RAB30: variants seen among roughly 807,000 people sequenced by gnomAD.
RAB30 encodes the protein RAB30, member RAS oncogene family.
In RAB30, 9 loss-of-function variants were observed where a neutral mutation model predicts 25.1. That is an observed-to-expected ratio of 0.36 (90% CI 0.22 to 0.63). RAB30 has a LOEUF of 0.63. RAB30 is among the 20% of genes least tolerant of loss of function. The pLI is 0.69. For missense variants in RAB30, 140 were observed against 243.5 expected (o/e 0.58, Z 2.83); for synonymous variants, 77 against 86.4 (o/e 0.89, Z 0.60).
chr11:83,010,116 G>T lies in RAB30; in HGVS notation c.-8-12792C>A, dbSNP rs560582009. On this transcript the variant is annotated intron_variant, in intron 1 of 4. Transcript: ENST00000527633. ...GAAGTAAAACCTCTATATACCAATAGAGAAGGGCTAACAGAGAAGCCACAT... is the reference window on the plus strand; with the variant it reads ...GAAGTAAAACCTCTATATACCAATATAGAAGGGCTAACAGAGAAGCCACAT... Among the ~76,000 whole-genome samples the T allele has an allele frequency of 1.1e-4, 16 of 152,214 alleles. No individual in the cohort carries two copies. In the South Asian group the frequency reaches 3.1e-3, roughly 30 times the overall value.
chr11:83,014,967 G>A (rs115758249), intron 1 of RAB30, among the ~76,000 whole-genome samples: 5,352 of 152,204 alleles, frequency 0.035, 332 homozygotes, highest in African/African-American at 0.12. Flanking sequence ...AGCTTGGCAT[G>A]TTCAAGGAAC....
chr11:82,982,538 T>A, intron 4 of RAB30, 123 bp from the exon 5 acceptor site: 1 of 1,018,222 alleles, frequency 9.8e-7, no homozygotes, highest in South Asian at 1.6e-5. Context: ...ACAAAACAAA[T>A]GTGACTGTGA....
intron 1 of RAB30, among the ~76,000 whole-genome samples, chr11:83,030,445 CCGTGTT>C (rs1857829263): frequency 6.6e-6 from 1 of 151,994 alleles, no homozygotes; most frequent in African/African-American, 2.4e-5. Flanking sequence ...CTATGTTGAG[CCGTGTT>C]CATGCCACTG....
chr11:82,988,176 C>G (rs936320103), intron 3 of RAB30, among the ~76,000 whole-genome samples: 1 of 152,166 alleles, frequency 6.6e-6, no homozygotes, highest in Non-Finnish European at 1.5e-5. Flanking sequence ...ATACCCATTT[C>G]TTGCATGAAT....
rs756821194 is a variant in RAB30 at position 82,974,556 on chromosome 11, C to T, written c.*7609G>A. On this transcript the variant is annotated 3_prime_UTR_variant, in exon 5 of 5. Coordinates refer to ENST00000527633, the MANE Select transcript of RAB30 (RefSeq NM_001286060.2). ...TTGAAGTTGGTTAGATTTTATATAACGCTGTATACAAATAATACTGATATC... is the reference window on the plus strand; with the variant it reads ...TTGAAGTTGGTTAGATTTTATATAATGCTGTATACAAATAATACTGATATC... The T allele has an allele frequency of 8.6e-5, 13 of 151,948 alleles. No individual in the cohort carries two copies. The highest frequency in any genetic ancestry group is 1.9e-4 in the Non-Finnish European group (13 of 67,954). The allele number at this position is 151,948 out of a possible 1,614,324, so 9.4% of individuals were successfully genotyped here.
intron 1 of RAB30, among the ~76,000 whole-genome samples, chr11:83,022,956 T>C (rs1324738783): frequency 7.1e-6 from 1 of 141,020 alleles, no homozygotes; most frequent in Non-Finnish European, 1.5e-5. Context: ...TATATGTATA[T>C]ATGCATATGT....
At chr11:83,035,822 C>T (rs1857975242) in intron 1 of RAB30, 1 of 152,300 alleles carries the variant, frequency 6.6e-6, no homozygotes, top group Non-Finnish European at 1.5e-5. Flanking sequence ...TTAGAACTGT[C>T]TTTCCAGCCA....
At chr11:83,046,215 T>A (rs1339798979) in intron 1 of RAB30, among the ~76,000 whole-genome samples, 1 of 152,224 alleles carries the variant, frequency 6.6e-6, no homozygotes, top group Non-Finnish European at 1.5e-5. Flanking sequence ...TCCTGGAAAG[T>A]GATAGGCACC....
chr11:82,982,988 G>A (rs1471219591), intron 4 of RAB30, among the ~76,000 whole-genome samples: 1 of 151,934 alleles, frequency 6.6e-6, no homozygotes, highest in African/African-American at 2.4e-5. Context: ...AGTATTTGCT[G>A]CCATAAAAAT....
intron 2 of RAB30, 55 bp downstream of exon 2, chr11:82,997,169 G>T: frequency 6.9e-7 from 1 of 1,455,138 alleles, no homozygotes; most frequent in Non-Finnish European, 9.6e-7. Context: ...AACCCCTCAG[G>T]CTAGACTGAC....
At chr11:83,053,444 T>A (rs1858396936) in intron 1 of RAB30, among the ~76,000 whole-genome samples, 1 of 152,220 alleles carries the variant, frequency 6.6e-6, no homozygotes, top group Non-Finnish European at 1.5e-5. Context: ...ATTCTAATCC[T>A]TAGTAACTCA....
At chr11:83,005,917 C>T (rs976782455) in intron 1 of RAB30, among the ~76,000 whole-genome samples, 2 of 150,440 alleles carry the variant, frequency 1.3e-5, no homozygotes, top group Admixed American at 6.6e-5. Flanking sequence ...GCAGATAATT[C>T]ACAAGAAAGG....
intron 1 of RAB30, among the ~76,000 whole-genome samples, chr11:83,000,691 T>C (rs547528457): frequency 6.6e-6 from 1 of 152,144 alleles, no homozygotes; most frequent in Non-Finnish European, 1.5e-5. Context: ...GTAAAGACTT[T>C]AGAAACAGGG....
At chr11:83,045,143 A>G (rs930604071) in intron 1 of RAB30, among the ~76,000 whole-genome samples, 2 of 152,158 alleles carry the variant, frequency 1.3e-5, no homozygotes, top group African/African-American at 4.8e-5. Flanking sequence ...ACTCCCATTG[A>G]CTCATCACCG....
intron 1 of RAB30, chr11:83,038,958 T>C (rs1219877641): frequency 6.6e-6 from 1 of 152,172 alleles, no homozygotes; most frequent in Non-Finnish European, 1.5e-5. Flanking sequence ...AAGTAGCCAC[T>C]ATTGTTATTC....
chr11:83,025,429 A>C (rs565747785), intron 1 of RAB30, among the ~76,000 whole-genome samples: 1 of 152,356 alleles, frequency 6.6e-6, no homozygotes, highest in East Asian at 1.9e-4. Flanking sequence ...TTGAAAGCAA[A>C]GGGAACAACA....
At position 82,973,716 on chromosome 11, in the gene RAB30, G is replaced by A. The variant is rs944882954; in HGVS notation, c.*8449C>T. The stretch of plus-strand genomic sequence containing the variant: ...CAAACAGGATTGCAAGAGGTTCTAC[G>A]TAAATAAACATAAATGATTTGATTT... On this transcript the variant is annotated 3_prime_UTR_variant, in exon 5 of 5. Coordinates refer to ENST00000527633, the MANE Select transcript of RAB30 (RefSeq NM_001286060.2). 5.9e-5 allele frequency: 9 copies of A among 152,128 alleles called. No individual in the cohort carries two copies. The highest frequency in any genetic ancestry group is 3.3e-4 in the Admixed American group (5 of 15,270). 9.4% of individuals were successfully genotyped at this position (152,128 alleles called of 1,614,324 possible).
intron 1 of RAB30, among the ~76,000 whole-genome samples, chr11:83,032,295 AAAC>A (rs1318251684): frequency 6.6e-6 from 1 of 152,228 alleles, no homozygotes; most frequent in Non-Finnish European, 1.5e-5. Flanking sequence ...GTTTTTTAAA[AAAC>A]AACATTTGTT....
At chr11:83,046,508 T>A (rs1250102252) in intron 1 of RAB30, among the ~76,000 whole-genome samples, 1 of 152,154 alleles carries the variant, frequency 6.6e-6, no homozygotes, top group African/African-American at 2.4e-5. Flanking sequence ...TTTTTTTTTT[T>A]TAAGAGACAG....
Sources: gnomAD v4.1 joint callset for allele counts (sites outside exome capture counted in the v4.1 genomes callset) on GRCh38, gnomAD v4.1.1 for gene constraint, MANE v1.5 for transcripts, NCBI Gene and HGNC (gene_info 2026-07-23, HGNC 2026-07-21) for gene names.